The following PDE10A variants were observed in gnomAD, a reference collection of about 807,000 sequenced individuals.
The protein encoded by PDE10A is phosphodiesterase 10A.
In PDE10A, 39 loss-of-function variants were observed where a neutral mutation model predicts 97.7. The ratio of observed to expected loss-of-function variants is 0.40; its 90% CI spans 0.31 to 0.52. The LOEUF (loss-of-function observed/expected upper bound fraction) is 0.52, where lower values mean the gene tolerates loss of function less well. PDE10A is among the 20% of genes least tolerant of loss of function. PDE10A has a pLI of 0.56. For missense variants in PDE10A, 731 were observed against 1,047.8 expected (o/e 0.70, Z 4.17); for synonymous variants, 371 against 376.8 (o/e 0.98, Z 0.18).
At chr6:165,722,883 TAC>T (rs561636367) in intron 1 of PDE10A, among the ~76,000 whole-genome samples, 32 of 149,122 alleles carry the variant, frequency 2.1e-4, no homozygotes, top group East Asian at 1.4e-3. Context: ...TATATATATA[TAC>T]ACACACACAC....
At chr6:165,975,719 CA>C (rs1784826894) in intron 1 of PDE10A, among the ~76,000 whole-genome samples, 1 of 152,230 alleles carries the variant, frequency 6.6e-6, no homozygotes, top group African/African-American at 2.4e-5. Flanking sequence ...GTTCCTGAGA[CA>C]CCATGTGTCC....
At chr6:165,651,389 A>G (rs1187813438) in intron 1 of PDE10A, among the ~76,000 whole-genome samples, 1 of 151,854 alleles carries the variant, frequency 6.6e-6, no homozygotes, top group East Asian at 1.9e-4. Context: ...ATTTCTAGGA[A>G]CTCTTTATAT....
At chr6:165,641,326 CAA>C (rs1789122073) in intron 1 of PDE10A, among the ~76,000 whole-genome samples, 1 of 152,238 alleles carries the variant, frequency 6.6e-6, no homozygotes, top group East Asian at 1.9e-4. Context: ...CTGTAAACCT[CAA>C]GAGTCCTTTA....
intron 1 of PDE10A, among the ~76,000 whole-genome samples, chr6:165,745,559 A>G (rs1792824932): frequency 6.6e-6 from 1 of 152,194 alleles, no homozygotes; most frequent in Non-Finnish European, 1.5e-5. Context: ...AACTCATTTC[A>G]TTTTCAGTAA....
upstream of PDE10A, among the ~76,000 whole-genome samples, chr6:165,667,295 C>A (rs955587984): frequency 6.6e-6 from 1 of 152,012 alleles, no homozygotes; most frequent in African/African-American, 2.4e-5. Flanking sequence ...TTTTGGTGCA[C>A]GCATTACCCA....
intron 1 of PDE10A, among the ~76,000 whole-genome samples, chr6:165,968,122 G>T (rs1784564828): frequency 6.6e-6 from 1 of 152,202 alleles, no homozygotes. Context: ...TTGGTGGGTG[G>T]CAGTGCCCCT....
At chr6:165,899,532 G>A (rs1247517660) in intron 1 of PDE10A, among the ~76,000 whole-genome samples, 2 of 152,212 alleles carry the variant, frequency 1.3e-5, no homozygotes, top group African/African-American at 2.4e-5. Context: ...GCAGAGAGAT[G>A]TTTTGCAAAA....
At chr6:165,707,969 A>G (rs1438522550) in intron 1 of PDE10A, among the ~76,000 whole-genome samples, 1 of 152,188 alleles carries the variant, frequency 6.6e-6, no homozygotes, top group Non-Finnish European at 1.5e-5. Flanking sequence ...TGTGCGTCTC[A>G]TAGGACTCAA....
At chr6:165,818,791 C>A (rs1779486945) in intron 1 of PDE10A, among the ~76,000 whole-genome samples, 2 of 152,124 alleles carry the variant, frequency 1.3e-5, no homozygotes, top group South Asian at 4.1e-4. Flanking sequence ...AAATCCATAG[C>A]AAATGATGAA....
rs955633526 is a variant in PDE10A at position 165,655,774 on chromosome 6, GTT to G, written c.865+6171_865+6172del. On this transcript the variant is annotated intron_variant, in intron 1 of 21. Transcript: ENST00000539869. This position sits in a 1 kb window ranked among gnomAD's most constrained non-coding sequence, Gnocchi z 4.5. ...CTGCTTTCATGCGGAGTAAACTGCA[GTT>G]TTTTCCTCTGACTGACAAAGCCTTC... Among the ~76,000 whole-genome samples the G allele has an allele frequency of 1.3e-4, 20 of 152,128 alleles. No homozygotes were observed. Among genetic ancestry groups the G allele is most frequent in the Non-Finnish European group, 2.1e-4 (14 of 68,030 alleles).
intron 1 of PDE10A, among the ~76,000 whole-genome samples, chr6:165,638,981 A>G (rs936499907): frequency 6.6e-6 from 1 of 151,504 alleles, no homozygotes; most frequent in Admixed American, 6.6e-5. Flanking sequence ...AAGTACCTTC[A>G]CATTCATTAT....
At chr6:165,945,927 C>T (rs931590630) in intron 1 of PDE10A, among the ~76,000 whole-genome samples, 3 of 152,136 alleles carry the variant, frequency 2.0e-5, no homozygotes, top group Admixed American at 1.3e-4. Context: ...TGTAAAAATG[C>T]CATGCAGCCA....
chr6:165,927,766 G>A lies in PDE10A; in HGVS notation c.-615+59763C>T, dbSNP rs184552185. On this transcript the variant is annotated intron_variant, in intron 1 of 19. Coordinates refer to the PDE10A transcript ENST00000366882. ...GGCTGGAGTGCAGTGGCACCATCTC[G>A]GCTCACTGTAACCTCCACCTCTTGG... is the stretch of plus-strand genomic sequence containing the variant. Among the ~76,000 whole-genome samples, 5 of 147,730 alleles carry A rather than the reference G, an allele frequency of 3.4e-5. No homozygotes were observed. The East Asian group carries it at 6.0e-4, about 18-fold the overall frequency.
At chr6:165,456,785 A>G (rs1390715405) in intron 3 of PDE10A, among the ~76,000 whole-genome samples, 1 of 152,236 alleles carries the variant, frequency 6.6e-6, no homozygotes, top group Non-Finnish European at 1.5e-5. Context: ...TTCATCTAAT[A>G]GAATGTTAGC....
At chr6:165,943,309 AGGAAGG>A (rs1562810077) in intron 1 of PDE10A, among the ~76,000 whole-genome samples, 3 of 80,606 alleles carry the variant, frequency 3.7e-5, no homozygotes, top group Non-Finnish European at 5.5e-5. Context: ...GAAAGAAAGA[AGGAAGG>A]AAGGAAAGAA....
At chr6:165,377,647 C>T (rs1319269735) in intron 18 of PDE10A, among the ~76,000 whole-genome samples, 1 of 151,814 alleles carries the variant, frequency 6.6e-6, no homozygotes, top group Non-Finnish European at 1.5e-5. Context: ...ATTTACAACC[C>T]CAGAAGAAAA....
intron 1 of PDE10A, among the ~76,000 whole-genome samples, chr6:165,693,552 AC>A (rs1791364752): frequency 6.7e-6 from 1 of 148,606 alleles, no homozygotes; most frequent in Non-Finnish European, 1.5e-5. Flanking sequence ...AAAAAAAAAA[AC>A]CGAGTGCACT....
intron 18 of PDE10A, among the ~76,000 whole-genome samples, chr6:165,364,044 T>G (rs1359596913): frequency 6.6e-6 from 1 of 152,120 alleles, no homozygotes. Context: ...AGACCCAGAA[T>G]AGTGAAAACA....
intron 1 of PDE10A, chr6:165,908,977 T>A (rs980444626): frequency 3.3e-5 from 5 of 152,194 alleles, no homozygotes; most frequent in African/African-American, 4.8e-5. Flanking sequence ...AAGCAGTTGT[T>A]TGCATTGTGG....
Sources: allele counts gnomAD v4.1 joint callset (sites outside exome capture counted in the v4.1 genomes callset), GRCh38; gene constraint gnomAD v4.1.1; non-coding constraint Gnocchi (gnomAD v3.1); transcripts MANE v1.5; gene names NCBI Gene and HGNC (gene_info 2026-07-23, HGNC 2026-07-21).